Variants in ZNF738 observed in about 807,000 individuals in gnomAD.
The protein encoded by ZNF738 is zinc finger protein 738, also known as protein ZNF738.
ZNF738 carries 10 observed loss-of-function variants against 9.2 expected under a neutral mutation model. The observed-to-expected ratio is 1.09, with a 90% CI of 0.67 to 1.85. ZNF738 has a LOEUF of 1.85. Ranked by LOEUF, ZNF738 falls within the 40% of genes most tolerant of loss-of-function variation. The pLI, the probability that ZNF738 is intolerant of heterozygous loss-of-function variation, is 0.00. For missense variants in ZNF738, 346 were observed against 283.6 expected (o/e 1.22, Z -1.58); for synonymous variants, 113 against 94.5 (o/e 1.20, Z -1.14).
At chr19:21,380,663 G>A (rs1286240570) in intron 4 of ZNF738, among the ~76,000 whole-genome samples, 1 of 152,168 alleles carries the variant, frequency 6.6e-6, no homozygotes, top group African/African-American at 2.4e-5. Flanking sequence ...GAACTAATCT[G>A]TACTATAGTT....
At chr19:21,361,994 A>G in intron 2 of ZNF738, 136 bp downstream of exon 2, 2 of 565,036 alleles carry the variant, frequency 3.5e-6, no homozygotes, top group South Asian at 2.0e-5. Context: ...AGGCAGGACA[A>G]TCACTTGATC....
chr19:21,383,983 G>T lies in ZNF738; in HGVS notation c.*309G>T. On this transcript the variant is annotated 3_prime_UTR_variant, in exon 5 of 5. Coordinates refer to ENST00000683779, the MANE Select transcript of ZNF738 (RefSeq NM_001355237.2). ...ACTGCACATAAGTTGATTCATACTG[G>T]AGAGAAACCCTACAAATGTGAAGAA... The T allele has an allele frequency of 6.8e-7, 1 of 1,462,408 alleles. No homozygotes were observed. 90.6% of individuals were successfully genotyped at this position (1,462,408 alleles called of 1,614,324 possible). A position where few individuals can be genotyped will look rare whatever the true frequency, so the allele number is the denominator to read the frequency against.
rs148973860 is a variant in ZNF738, at chr19:21,360,812, C to T, written c.4-954C>T. On this transcript the variant is annotated intron_variant, in intron 1 of 4. Coordinates refer to ENST00000683779, the MANE Select transcript of ZNF738 (RefSeq NM_001355237.2). ...TTTAATTAATTATTTTTTGGCAAGGCATTAAATGGTGCTTTTTTCTTTTCT... is the reference window on the plus strand; with the variant it reads ...TTTAATTAATTATTTTTTGGCAAGGTATTAAATGGTGCTTTTTTCTTTTCT... 6.7e-3 allele frequency among the ~76,000 whole-genome samples: 961 copies of T among 143,716 alleles called. 16 individuals carry two copies. Among genetic ancestry groups the T allele is most frequent in the African/African-American group, 0.023 (883 of 38,540 alleles). The allele number at this position is 143,716 out of a possible 152,430, so 94.3% of individuals were successfully genotyped here. A position where few individuals can be genotyped will look rare whatever the true frequency, so the allele number is the denominator to read the frequency against.
At chr19:21,373,683 G>A (rs952313166) in intron 2 of ZNF738, among the ~76,000 whole-genome samples, 3 of 151,996 alleles carry the variant, frequency 2.0e-5, no homozygotes, top group South Asian at 2.1e-4. Flanking sequence ...TGGTGCTGAC[G>A]CCTTTTAAGG....
Position 21,384,645 on chromosome 19 carries a change from A to T in ZNF738, c.*971A>T, listed in dbSNP as rs1974045940. Among the ~76,000 whole-genome samples, 1 of 152,152 alleles carries T rather than the reference A, an allele frequency of 6.6e-6. No homozygotes were observed. The highest frequency in any genetic ancestry group is 2.1e-4 in the South Asian group (1 of 4,826). ...CTCAAACCTTACTAATCATAAGATA[A>T]CTCATACTGGAGAGAAACCCTACAA... is the stretch of plus-strand genomic sequence containing the variant. On this transcript the variant is annotated 3_prime_UTR_variant, in exon 5 of 5. Coordinates refer to ENST00000683779, the MANE Select transcript of ZNF738 (RefSeq NM_001355237.2).
intron 4 of ZNF738, among the ~76,000 whole-genome samples, chr19:21,379,768 G>A (rs1325482725): frequency 6.6e-6 from 1 of 151,576 alleles, no homozygotes; most frequent in Admixed American, 6.6e-5. Context: ...AGTATTGCAC[G>A]AATTATAAGT....
intron 2 of ZNF738, among the ~76,000 whole-genome samples, chr19:21,370,056 CCAACCTCGGCCT>C (rs1973837292): frequency 6.6e-6 from 1 of 152,186 alleles, no homozygotes; most frequent in Admixed American, 6.5e-5. Context: ...TCATGATCCG[CCAACCTCGGCCT>C]CCCAAAGTGC....
intron 2 of ZNF738, among the ~76,000 whole-genome samples, chr19:21,371,474 A>G (rs541213284): frequency 6.6e-6 from 1 of 152,374 alleles, no homozygotes; most frequent in South Asian, 2.1e-4. Flanking sequence ...TGTTACCCAG[A>G]TGAGAGTTTC....
rs1294306220 is a variant in ZNF738, at chr19:21,384,313, A to T, written c.*639A>T. ...ACCCTTACTAAACATAAGATAATTC[A>T]TACTGGAGAGAGACCCTACAAGTGT... On this transcript the variant is annotated 3_prime_UTR_variant, in exon 5 of 5. Coordinates refer to ENST00000683779, the MANE Select transcript of ZNF738 (RefSeq NM_001355237.2). Among the ~76,000 whole-genome samples, 1 of 152,162 alleles carries T rather than the reference A, an allele frequency of 6.6e-6. No homozygotes were observed. Among genetic ancestry groups the T allele is most frequent in the Non-Finnish European group, 1.5e-5 (1 of 68,020 alleles).
At chr19:21,381,387 C>T in intron 4 of ZNF738, 1 of 1,526,402 alleles carries the variant, frequency 6.6e-7, no homozygotes, top group Non-Finnish European at 9.1e-7. Context: ...ATAACTTCTT[C>T]ATCAGAATCT....
intron 2 of ZNF738, among the ~76,000 whole-genome samples, chr19:21,370,047 C>G (rs748077253): frequency 1.3e-5 from 2 of 152,158 alleles, no homozygotes; most frequent in African/African-American, 2.4e-5. Context: ...CTCCTGACCT[C>G]ATGATCCGCC....
rs550316931 is a variant in ZNF738 at position 21,387,335 on chromosome 19, C to G, written c.*3661C>G. 2.0e-5 allele frequency among the ~76,000 whole-genome samples: 3 copies of G among 152,062 alleles called. No individual in the cohort carries two copies. The South Asian group carries it at 6.2e-4, about 32-fold the overall frequency. The stretch of plus-strand genomic sequence containing the variant: ...TCCCAAGTAGCTGGGATTACAGGCA[C>G]CTGCCACCACGCCTGGCTAATTTTT... On this transcript the variant is annotated 3_prime_UTR_variant, in exon 5 of 5. Coordinates refer to ENST00000683779, the MANE Select transcript of ZNF738 (RefSeq NM_001355237.2).
At chr19:21,366,253 G>A (rs2968027) in intron 2 of ZNF738, among the ~76,000 whole-genome samples, 2,026 of 152,262 alleles carry the variant, frequency 0.013, 56 homozygotes, top group African/African-American at 0.043. Flanking sequence ...ACTGAGAGCG[G>A]TCTCTAACCT....
intron 2 of ZNF738, among the ~76,000 whole-genome samples, chr19:21,369,789 G>A (rs1973832811): frequency 6.6e-6 from 1 of 151,906 alleles, no homozygotes; most frequent in African/African-American, 2.4e-5. Context: ...GTTTGAAGAG[G>A]GGCAATGTAA....
intron 2 of ZNF738, among the ~76,000 whole-genome samples, chr19:21,362,644 T>C (rs1401012488): frequency 2.0e-5 from 3 of 152,188 alleles, no homozygotes; most frequent in Non-Finnish European, 4.4e-5. Flanking sequence ...TACATTATAT[T>C]AGTAGGGCTT....
Position 21,383,248 on chromosome 19 carries a change from T to G in ZNF738, c.702T>G (p.Cys234Trp). 6.3e-7 allele frequency: 1 copy of G among 1,592,328 alleles called. No homozygotes were observed. The highest frequency in any genetic ancestry group is 8.6e-7 in the Non-Finnish European group (1 of 1,162,194). ...ATATTAGAGAGAATTCTTACCAATGTGAAGAATGTGGCAAAGCCTTTAAAT... is the reference window on the plus strand; with the variant it reads ...ATATTAGAGAGAATTCTTACCAATGGGAAGAATGTGGCAAAGCCTTTAAAT... ...IIHIRENSYQ[C>W]EECGKAFKWF... The change falls in exon 5 of 5, where the codon TGT (cysteine) becomes TGG (tryptophan). Residue 234 changes from cysteine (C) to tryptophan (W), a missense_variant. Transcript: ENST00000683779.
At chr19:21,374,042 A>T (rs1468537435) in intron 2 of ZNF738, among the ~76,000 whole-genome samples, 5 of 152,152 alleles carry the variant, frequency 3.3e-5, no homozygotes, top group Non-Finnish European at 7.3e-5. Flanking sequence ...GGAATTTTTG[A>T]TCTGCACTAT....
intron 1 of ZNF738, among the ~76,000 whole-genome samples, chr19:21,359,392 ATC>A (rs1973652123): frequency 6.6e-6 from 1 of 152,140 alleles, no homozygotes; most frequent in South Asian, 2.1e-4. Flanking sequence ...TCTCTGGGGA[ATC>A]TCTGCACCCG....
At chr19:21,360,332 C>T (rs150930938) in intron 1 of ZNF738, 1 of 152,226 alleles carries the variant, frequency 6.6e-6, no homozygotes, top group Non-Finnish European at 1.5e-5. Context: ...AACCCCCATC[C>T]CTCATTACTC....
Sources: allele counts gnomAD v4.1 joint callset (sites outside exome capture counted in the v4.1 genomes callset), GRCh38; gene constraint gnomAD v4.1.1; transcripts MANE v1.5; gene names NCBI Gene and HGNC (gene_info 2026-07-23, HGNC 2026-07-21).